Variants in AGAP3 observed in about 807,000 individuals in gnomAD.
AGAP3 encodes arf-GAP with GTPase, ANK repeat and PH domain-containing protein 3.
Under a neutral mutation model 96.9 loss-of-function variants are expected in AGAP3, and 24 were observed. That is an observed-to-expected ratio of 0.25 (90% CI 0.18 to 0.35). The LOEUF is 0.35. Among genes scored for constraint, AGAP3 ranks in the 10% least tolerant of loss-of-function variants. The pLI is 1.00. For synonymous variants in AGAP3, 563 were observed against 536.1 expected (o/e 1.05, Z -0.69); for missense variants, 876 against 1,254.2 (o/e 0.70, Z 4.55).
intron 9 of AGAP3, among the ~76,000 whole-genome samples, chr7:151,124,877 C>A (rs550920618): frequency 1.3e-5 from 2 of 152,160 alleles, no homozygotes; most frequent in Non-Finnish European, 2.9e-5. Context: ...GGTCCCATGC[C>A]GTGATCCGTA....
chr7:151,111,523 G>A (rs753880996), intron 1 of AGAP3, among the ~76,000 whole-genome samples: 1 of 152,120 alleles, frequency 6.6e-6, no homozygotes, highest in Non-Finnish European at 1.5e-5. Context: ...TTCTGGCAGG[G>A]TCTCACACCT....
rs750016640 is a variant in AGAP3 at position 151,117,175 on chromosome 7, C to T, written c.471C>T (p.Ser157=). 2 of 1,613,488 alleles carry T rather than the reference C, an allele frequency of 1.2e-6. No individual in the cohort carries two copies. Among genetic ancestry groups the T allele is most frequent in the Non-Finnish European group, 1.7e-6 (2 of 1,179,530 alleles). ...YLTGTYVQEE[S]PEGGRFKKEI... ...CGGGGACCTATGTCCAGGAGGAGTC[C>T]CCTGAAGGTGAGCGTCACAGGCCCA... Residue 157 remains serine (S), a synonymous_variant, in exon 3 of 18, where the codon TCC becomes TCT. Transcript: ENST00000397238.
At position 151,142,553 on chromosome 7, in the gene AGAP3, C is replaced by G. The variant is rs746743428; in HGVS notation, c.2192C>G (p.Thr731Ser). ...DWPPELLAVMTAMGNALANSV... is the reference protein window; with the variant it reads ...DWPPELLAVMSAMGNALANSV... ...CCGCCTGAGCTGCTGGCTGTCATGA[C>G]TGCCATGGGCAATGCCCTCGCCAAC... The change falls in exon 16 of 18, where the codon ACT (threonine) becomes AGT (serine). Residue 731 changes from threonine (T) to serine (S), a missense_variant. Thr to Ser is a moderately conservative substitution (Grantham distance 58). This residue lies in a region of AGAP3 where 213 missense variants were observed against 253.8 expected (regional missense o/e 0.84). Transcript: ENST00000397238. This position sits in a 1 kb window ranked among gnomAD's most constrained non-coding sequence, Gnocchi z 7.5. 2.5e-6 allele frequency: 4 copies of G among 1,613,636 alleles called. No individual in the cohort carries two copies. Among genetic ancestry groups the G allele is most frequent in the South Asian group, 2.2e-5 (2 of 91,086 alleles).
intron 1 of AGAP3, among the ~76,000 whole-genome samples, chr7:151,104,260 C>T (rs1384111611): frequency 6.6e-6 from 1 of 152,200 alleles, no homozygotes; most frequent in African/African-American, 2.4e-5. Flanking sequence ...TCTTCCCACT[C>T]TTATCTTTAG....
intron 1 of AGAP3, among the ~76,000 whole-genome samples, chr7:151,090,803 G>T (rs988209356): frequency 6.6e-6 from 1 of 152,132 alleles, no homozygotes; most frequent in African/African-American, 2.4e-5. Flanking sequence ...AATTAGCCGG[G>T]CGTGGTGGCG....
At chr7:151,125,043 ATG>A (rs1435973805) in intron 9 of AGAP3, among the ~76,000 whole-genome samples, 1 of 152,170 alleles carries the variant, frequency 6.6e-6, no homozygotes, top group African/African-American at 2.4e-5. Flanking sequence ...GTGCGTGTGT[ATG>A]TGTGTCTTTG....
intron 1 of AGAP3, among the ~76,000 whole-genome samples, chr7:151,098,952 T>C (rs1798723947): frequency 6.6e-6 from 1 of 151,480 alleles, no homozygotes; most frequent in South Asian, 2.1e-4. Flanking sequence ...GCCAGACTGG[T>C]CTCGAACTCC....
At chr7:151,138,463 AG>A in intron 12 of AGAP3, 150 bp downstream of exon 12, 1 of 903,540 alleles carries the variant, frequency 1.1e-6, no homozygotes, top group Non-Finnish European at 1.6e-6. Context: ...TGGGCTTGTC[AG>A]AGAGACCCTG....
In AGAP3 at chr7:151,143,674, C is replaced by A; in HGVS notation, c.2530-63C>A. The A allele has an allele frequency of 6.2e-7, 1 of 1,609,500 alleles. No homozygotes were observed. The highest frequency in any genetic ancestry group is 1.1e-5 in the South Asian group (1 of 90,730). ...TTTGAAAGCAACCTCTTCTTTCCTC[C>A]CCTACAACCAATCTCTCTCCTCCCA... On this transcript the variant is annotated intron_variant, in intron 17 of 17. Transcript: ENST00000397238. The surrounding 1 kb of genome is among the most constrained non-coding windows in gnomAD (Gnocchi z 5.9).
chr7:151,115,743 C>A, intron 1 of AGAP3: 3 of 764,790 alleles, frequency 3.9e-6, no homozygotes, highest in Non-Finnish European at 4.9e-6. Flanking sequence ...CCGGGGCTGG[C>A]GGGGTCTGGG....
chr7:151,091,534 G>A (rs972908281), intron 1 of AGAP3, among the ~76,000 whole-genome samples: 2 of 152,228 alleles, frequency 1.3e-5, no homozygotes, highest in African/African-American at 4.8e-5. Flanking sequence ...TGGGCTTGGT[G>A]CACCTGGAGA....
chr7:151,137,904 G>A (rs1016091032), intron 11 of AGAP3: 6 of 533,566 alleles, frequency 1.1e-5, no homozygotes, highest in South Asian at 5.3e-5. Flanking sequence ...CCCCGCTCCC[G>A]GACCACAGTG....
chr7:151,141,910 C>CGT lies in AGAP3; in HGVS notation c.1818_1819dup (p.Phe607CysfsTer85). On this transcript the variant is annotated frameshift_variant, in exon 14 of 18. Coordinates refer to ENST00000397238, the MANE Select transcript of AGAP3 (RefSeq NM_031946.7). LOFTEE classifies it high-confidence loss of function. The surrounding 1 kb of genome is among the most constrained non-coding windows in gnomAD (Gnocchi z 4.2). ...ACCCCCCCAACAGAGGCAGAGGAGT[C>CGT]GTTTGAATTTGTGGTGGTGTCCCTC... The CGT allele has an allele frequency of 6.2e-7, 1 of 1,613,998 alleles. No individual in the cohort carries two copies. The highest frequency in any genetic ancestry group is 8.5e-7 in the Non-Finnish European group (1 of 1,179,964).
intron 1 of AGAP3, among the ~76,000 whole-genome samples, chr7:151,110,291 T>C (rs2150442849): frequency 6.6e-6 from 1 of 152,126 alleles, no homozygotes; most frequent in East Asian, 1.9e-4. Context: ...AGAGTTCTGT[T>C]GTGGGGGCAC....
At chr7:151,122,616 G>C in intron 8 of AGAP3, 1 of 1,283,460 alleles carries the variant, frequency 7.8e-7, no homozygotes, top group Non-Finnish European at 1.1e-6. Flanking sequence ...TCTTCATCCC[G>C]CTGCCGCCGC....
intron 7 of AGAP3, chr7:151,119,089 G>A (rs75832881): frequency 0.017 from 3,235 of 191,244 alleles, 101 homozygotes; most frequent in African/African-American, 0.066. Context: ...AGGCGGCAGC[G>A]TTCCCATGTG....
At position 151,086,579 on chromosome 7, in the gene AGAP3, T is replaced by TCCGGCCC. The variant is rs1359999512; in HGVS notation, c.-150_-144dup. On this transcript the variant is annotated 5_prime_UTR_variant, in exon 1 of 18. Transcript: ENST00000397238. The stretch of plus-strand genomic sequence containing the variant: ...GCGGCGGCGCCTCCTGGCCTCGGCC[T>TCCGGCCC]CCGGCCCCCGGCCCCCGGCTCCATG... Among the ~76,000 whole-genome samples the TCCGGCCC allele has an allele frequency of 4.8e-5, 7 of 146,370 alleles. No homozygotes were observed. Among genetic ancestry groups the TCCGGCCC allele is most frequent in the South Asian group, 2.1e-4 (1 of 4,700 alleles).
chr7:151,108,240 A>C lies in AGAP3; in HGVS notation c.332-8553A>C, dbSNP rs1205278242. ...TGTCCTGTCCACCATTGCACCCAGC[A>C]CAGAGCTCATGGATAGACAGGAAAA... is the stretch of plus-strand genomic sequence containing the variant. On this transcript the variant is annotated intron_variant, in intron 1 of 17. Transcript: ENST00000397238. The surrounding 1 kb of genome is among the most constrained non-coding windows in gnomAD (Gnocchi z 4.2). Among the ~76,000 whole-genome samples, 6 of 152,240 alleles carry C rather than the reference A, an allele frequency of 3.9e-5. No homozygotes were observed. Among genetic ancestry groups the C allele is most frequent in the Admixed American group, 3.9e-4 (6 of 15,292 alleles).
At chr7:151,087,415 A>G (rs1289799631) in intron 1 of AGAP3, among the ~76,000 whole-genome samples, 1 of 151,772 alleles carries the variant, frequency 6.6e-6, no homozygotes, top group East Asian at 1.9e-4. Flanking sequence ...GTGACCGGGG[A>G]GGCTTCTTAG....
Sources: allele counts gnomAD v4.1 joint callset (sites outside exome capture counted in the v4.1 genomes callset), GRCh38; gene constraint gnomAD v4.1.1; regional missense constraint gnomAD v4.1.1; non-coding constraint Gnocchi (gnomAD v3.1); transcripts MANE v1.5; gene names NCBI Gene and HGNC (gene_info 2026-07-23, HGNC 2026-07-21).